Variants in CDK14 observed in about 807,000 individuals in gnomAD.
CDK14 encodes cyclin-dependent kinase 14.
Under a neutral mutation model 60.7 loss-of-function variants are expected in CDK14, and 34 were observed. The ratio of observed to expected loss-of-function variants is 0.56; its 90% CI spans 0.43 to 0.75. The LOEUF (loss-of-function observed/expected upper bound fraction) is 0.75, where lower values mean the gene tolerates loss of function less well. CDK14 is among the 30% of genes least tolerant of loss of function. CDK14 has a pLI of 0.00. For synonymous variants in CDK14, 197 were observed against 203.7 expected (o/e 0.97, Z 0.28); for missense variants, 482 against 564.1 (o/e 0.85, Z 1.47).
rs146538975 is a variant in CDK14 at position 91,150,129 on chromosome 7, T to G, written c.*28+31921T>G. ...AGTCTGTTGTGTTCAAGATGCTGAC[T>G]GGCCTGGCCAATTCATAAATCCAAA... On this transcript the variant is annotated intron_variant, in intron 14 of 14. Coordinates refer to ENST00000380050, the MANE Select transcript of CDK14 (RefSeq NM_001287135.2). 3.2e-3 allele frequency among the ~76,000 whole-genome samples: 485 copies of G among 152,274 alleles called. 2 individuals are homozygous for G. The highest frequency in any genetic ancestry group is 0.011 in the African/African-American group (475 of 41,558).
intron 10 of CDK14, among the ~76,000 whole-genome samples, chr7:91,022,361 A>G (rs969364493): frequency 6.6e-6 from 1 of 152,208 alleles, no homozygotes; most frequent in African/African-American, 2.4e-5. Context: ...TGTGCGTTGT[A>G]GGATATTTAA....
chr7:90,832,695 A>G (rs1217367067), intron 5 of CDK14, among the ~76,000 whole-genome samples: 25 of 152,196 alleles, frequency 1.6e-4, no homozygotes, highest in Admixed American at 1.6e-3. Flanking sequence ...AGTGCTATAC[A>G]ATGCAGGAAA....
At chr7:91,097,172 G>A (rs1328323327) in intron 12 of CDK14, among the ~76,000 whole-genome samples, 1 of 152,098 alleles carries the variant, frequency 6.6e-6, no homozygotes, top group Non-Finnish European at 1.5e-5. Context: ...CCTGAAGTCA[G>A]GAGTTCGAGA....
chr7:91,147,141 G>GTCTGTCTCTC lies in CDK14; in HGVS notation c.*28+28936_*28+28937insGTCTCTCTCT, dbSNP rs1554440019. On this transcript the variant is annotated intron_variant, in intron 14 of 14. Coordinates refer to ENST00000380050, the MANE Select transcript of CDK14 (RefSeq NM_001287135.2). ...CCCACCTCCACTAGCACCTCTCTCT[G>GTCTGTCTCTC]TCTCTCTCTCTCTCTCTCTCTCACA... Among the ~76,000 whole-genome samples the GTCTGTCTCTC allele has an allele frequency of 1.8e-4, 14 of 79,210 alleles. No homozygotes were observed. The South Asian group carries it at 5.0e-3, about 28-fold the overall frequency. 52.0% of individuals were successfully genotyped at this position (79,210 alleles called of 152,430 possible).
At chr7:90,961,882 T>C (rs1287155289) in intron 9 of CDK14, among the ~76,000 whole-genome samples, 1 of 152,230 alleles carries the variant, frequency 6.6e-6, no homozygotes, top group Non-Finnish European at 1.5e-5. Context: ...GCCAGGATAA[T>C]AGGTGTAAAA....
chr7:91,072,223 T>C (rs1798169551), intron 11 of CDK14, among the ~76,000 whole-genome samples: 1 of 152,122 alleles, frequency 6.6e-6, no homozygotes, highest in African/African-American at 2.4e-5. Context: ...GGCGAGACCC[T>C]CTTAACGGGT....
At chr7:91,095,795 T>C (rs1415954374) in intron 12 of CDK14, among the ~76,000 whole-genome samples, 4 of 152,094 alleles carry the variant, frequency 2.6e-5, no homozygotes, top group Admixed American at 1.3e-4. Flanking sequence ...AAATGTAATA[T>C]ACAAGATGAA....
Position 90,791,967 on chromosome 7 carries a change from A to G in CDK14, c.544+1315A>G, listed in dbSNP as rs139387826. ...ACCCAGGCTGGAGTGCAATGGCACA[A>G]TCTCGGCTCACTGCAACCTCTGTCT... On this transcript the variant is annotated intron_variant, in intron 5 of 14. Transcript: ENST00000380050. Among the ~76,000 whole-genome samples, 613 of 150,818 alleles carry G rather than the reference A, an allele frequency of 4.1e-3. 2 individuals are homozygous for G. Among genetic ancestry groups the G allele is most frequent in the Non-Finnish European group, 5.6e-3 (380 of 67,872 alleles).
chr7:91,172,683 G>T (rs1246994024), intron 14 of CDK14, among the ~76,000 whole-genome samples: 1 of 152,056 alleles, frequency 6.6e-6, no homozygotes, highest in Non-Finnish European at 1.5e-5. Context: ...GTTGCTTGGG[G>T]TACAGAACAT....
intron 14 of CDK14, among the ~76,000 whole-genome samples, chr7:91,196,279 A>G (rs1775586535): frequency 6.9e-6 from 1 of 144,512 alleles, no homozygotes; most frequent in Non-Finnish European, 1.6e-5. Flanking sequence ...GGTGATTTCA[A>G]GAGTGGCTGT....
At chr7:90,862,398 A>C (rs1181502373) in intron 5 of CDK14, among the ~76,000 whole-genome samples, 1 of 152,194 alleles carries the variant, frequency 6.6e-6, no homozygotes, top group African/African-American at 2.4e-5. Context: ...AGAACAAAGA[A>C]ATTTACTAGG....
intron 5 of CDK14, among the ~76,000 whole-genome samples, chr7:90,833,122 A>G (rs1789968465): frequency 6.6e-6 from 1 of 152,168 alleles, no homozygotes; most frequent in Non-Finnish European, 1.5e-5. Flanking sequence ...CAGCATTTCC[A>G]CTTCCTGTCT....
At chr7:90,817,586 T>TTTTG (rs546608823) in intron 5 of CDK14, among the ~76,000 whole-genome samples, 1 of 152,186 alleles carries the variant, frequency 6.6e-6, no homozygotes, top group Non-Finnish European at 1.5e-5. Flanking sequence ...CTGTAGGAAT[T>TTTTG]TTTGTTTGTT....
chr7:90,861,392 A>T (rs984362260), intron 5 of CDK14, among the ~76,000 whole-genome samples: 8 of 152,214 alleles, frequency 5.3e-5, no homozygotes, highest in Non-Finnish European at 1.0e-4. Flanking sequence ...AGCCTGTGAT[A>T]GCAAAGAGTG....
chr7:91,178,645 A>T (rs1289538620), intron 14 of CDK14, among the ~76,000 whole-genome samples: 2 of 152,194 alleles, frequency 1.3e-5, no homozygotes, highest in African/African-American at 4.8e-5. Flanking sequence ...AAGGTGGGCG[A>T]AGGACATGAA....
intron 2 of CDK14, among the ~76,000 whole-genome samples, chr7:90,671,556 C>T (rs1455395514): frequency 6.6e-6 from 1 of 151,992 alleles, no homozygotes; most frequent in Non-Finnish European, 1.5e-5. Flanking sequence ...GTGTGGCAGT[C>T]GAGATGGCTT....
intron 8 of CDK14, among the ~76,000 whole-genome samples, chr7:90,946,581 A>T (rs907977477): frequency 1.3e-5 from 2 of 152,152 alleles, no homozygotes; most frequent in Admixed American, 6.5e-5. Flanking sequence ...ATTTGCACTG[A>T]TTCATAAGGG....
intron 2 of CDK14, among the ~76,000 whole-genome samples, chr7:90,705,727 A>G (rs76467480): frequency 0.084 from 12,698 of 150,818 alleles, 859 homozygotes; most frequent in East Asian, 0.39. Flanking sequence ...TATTAGAAGG[A>G]AGAGGCACAT....
chr7:90,924,578 C>A (rs1432293264), intron 8 of CDK14, among the ~76,000 whole-genome samples: 1 of 152,148 alleles, frequency 6.6e-6, no homozygotes, highest in Non-Finnish European at 1.5e-5. Context: ...ATACTAAAAT[C>A]TTAGATGACA....
Sources: allele counts gnomAD v4.1 joint callset (sites outside exome capture counted in the v4.1 genomes callset), GRCh38; gene constraint gnomAD v4.1.1; transcripts MANE v1.5; gene names NCBI Gene and HGNC (gene_info 2026-07-23, HGNC 2026-07-21).